CTNND2: variants seen among roughly 807,000 people sequenced by gnomAD.
CTNND2 encodes the protein catenin delta 2.
Under a neutral mutation model 144.4 loss-of-function variants are expected in CTNND2, and 22 were observed. The ratio of observed to expected loss-of-function variants is 0.15; its 90% confidence interval spans 0.11 to 0.22. CTNND2 has a LOEUF of 0.22. Ranked by LOEUF, CTNND2 falls within the 10% of genes least tolerant of loss-of-function variation. CTNND2 has a pLI of 1.00. For missense variants in CTNND2, 1,353 were observed against 1,618.8 expected, an observed-to-expected ratio of 0.84 and a Z score of 2.82; for synonymous variants, 751 against 695.6, an observed-to-expected ratio of 1.08 and a Z score of -1.25.
At chr5:11,108,601 GCAGA>G (rs1752651045) in intron 14 of CTNND2, among the ~76,000 whole-genome samples, 2 of 152,198 alleles carry the variant, frequency 1.3e-5, no homozygotes, top group Non-Finnish European at 2.9e-5. Flanking sequence ...CCTCACCCAT[GCAGA>G]CAGACATATA....
chr5:11,574,913 T>C (rs960327410), intron 2 of CTNND2, among the ~76,000 whole-genome samples: 1 of 152,236 alleles, frequency 6.6e-6, no homozygotes, highest in Admixed American at 6.5e-5. Flanking sequence ...GTGTTCAATC[T>C]GCATTTATTC....
Position 11,159,655 on chromosome 5 carries a change from C to G in CTNND2, c.2080G>C (p.Glu694Gln), listed in dbSNP as rs754932281. The part of the protein sequence containing the change: ...NAVIIPHSGW[E>Q]NSPLQDDRKI... ...CGATCATCCTGAAGAGGCGAATTTTCCCAGCCTGAGTGGGGGATAATCACC... is the reference window on the plus strand; with the variant it reads ...CGATCATCCTGAAGAGGCGAATTTTGCCAGCCTGAGTGGGGGATAATCACC... The change falls in exon 12 of 22, where the codon GAA becomes CAA. Residue 694 changes from glutamate (E) to glutamine (Q), a missense_variant. Physicochemically the swap from Glu to Gln is conservative, Grantham distance 29. Transcript: ENST00000304623. 2.5e-6 allele frequency: 4 copies of G among 1,613,560 alleles called. No individual in the cohort carries two copies. The African/African-American group carries it at 5.3e-5, about 22-fold the overall frequency.
chr5:11,175,915 T>C (rs978323940), intron 11 of CTNND2, among the ~76,000 whole-genome samples: 1 of 152,220 alleles, frequency 6.6e-6, no homozygotes, highest in African/African-American at 2.4e-5. Context: ...TCTTTGGAGA[T>C]CTACTAGCAG....
chr5:11,066,043 CT>C (rs34270980), intron 16 of CTNND2, among the ~76,000 whole-genome samples: 104,746 of 142,860 alleles, frequency 0.73, 38,513 homozygotes, highest in East Asian at 0.92. Flanking sequence ...AATCTTTTAT[CT>C]TTTTTTTTTT....
At chr5:11,589,086 A>C (rs1172980952) in intron 2 of CTNND2, 1 of 960,288 alleles carries the variant, frequency 1.0e-6, no homozygotes, top group African/African-American at 1.8e-5. Flanking sequence ...CTTAAAAGAG[A>C]AAAGAATAGA....
intron 9 of CTNND2, among the ~76,000 whole-genome samples, chr5:11,314,571 T>C (rs1193493598): frequency 6.6e-6 from 1 of 152,216 alleles, no homozygotes; most frequent in Non-Finnish European, 1.5e-5. Flanking sequence ...CTCTCTTTAT[T>C]GCCCAGGCTG....
intron 3 of CTNND2, among the ~76,000 whole-genome samples, chr5:11,521,643 C>T (rs1035274500): frequency 5.9e-5 from 9 of 152,044 alleles, no homozygotes; most frequent in African/African-American, 1.9e-4. Flanking sequence ...AAACAGTATC[C>T]GGCAAAAATT....
chr5:11,126,099 C>T (rs183045295), intron 12 of CTNND2, among the ~76,000 whole-genome samples: 35 of 152,238 alleles, frequency 2.3e-4, no homozygotes, highest in African/African-American at 7.9e-4. Flanking sequence ...GTCGGGAGTT[C>T]GAGACCAGCC....
chr5:11,536,245 G>A (rs1774208468), intron 3 of CTNND2, among the ~76,000 whole-genome samples: 1 of 151,806 alleles, frequency 6.6e-6, no homozygotes, highest in Non-Finnish European at 1.5e-5. Context: ...TTATTTTTTG[G>A]TAGAGATAGG....
chr5:11,763,254 T>A (rs1300747906), intron 1 of CTNND2, among the ~76,000 whole-genome samples: 3 of 152,174 alleles, frequency 2.0e-5, no homozygotes, highest in African/African-American at 7.2e-5. Flanking sequence ...CTTTATAAAT[T>A]ACCCAGTCTC....
intron 11 of CTNND2, among the ~76,000 whole-genome samples, chr5:11,172,082 A>G (rs1329398738): frequency 1.3e-5 from 2 of 152,224 alleles, no homozygotes; most frequent in Non-Finnish European, 2.9e-5. Flanking sequence ...CTTTCGCGCC[A>G]TAATATTTCT....
chr5:11,244,600 A>G (rs1213829925), intron 9 of CTNND2, among the ~76,000 whole-genome samples: 1 of 152,206 alleles, frequency 6.6e-6, no homozygotes, highest in Non-Finnish European at 1.5e-5. Context: ...TATAAAATTA[A>G]TCACATTTTT....
intron 9 of CTNND2, among the ~76,000 whole-genome samples, chr5:11,260,517 T>C (rs182209267): frequency 1.3e-5 from 2 of 152,310 alleles, no homozygotes; most frequent in South Asian, 2.1e-4. Flanking sequence ...ACAATCAATG[T>C]CCTAATCTGT....
intron 16 of CTNND2, among the ~76,000 whole-genome samples, chr5:11,079,114 T>G (rs1481269655): frequency 6.6e-6 from 1 of 152,246 alleles, no homozygotes; most frequent in Non-Finnish European, 1.5e-5. Context: ...TACCACTATC[T>G]GTAATTTGGA....
At chr5:11,722,864 A>T (rs755575226) in intron 2 of CTNND2, among the ~76,000 whole-genome samples, 1 of 152,218 alleles carries the variant, frequency 6.6e-6, no homozygotes, top group Non-Finnish European at 1.5e-5. Flanking sequence ...TCAAACACAT[A>T]TGACATGCCA....
chr5:11,495,142 T>C (rs1272661814), intron 3 of CTNND2, among the ~76,000 whole-genome samples: 1 of 152,210 alleles, frequency 6.6e-6, no homozygotes, highest in African/African-American at 2.4e-5. Context: ...ATCTGATAAA[T>C]AATTACACTA....
At chr5:11,299,357 C>T (rs914379590) in intron 9 of CTNND2, among the ~76,000 whole-genome samples, 5 of 152,124 alleles carry the variant, frequency 3.3e-5, no homozygotes, top group South Asian at 2.1e-4. Context: ...TTACTGCCAT[C>T]GCCTTTTACC....
intron 7 of CTNND2, among the ~76,000 whole-genome samples, chr5:11,370,075 G>A (rs528878283): frequency 7.2e-5 from 11 of 152,110 alleles, no homozygotes; most frequent in South Asian, 4.2e-4. Context: ...TCAAAATCAC[G>A]GAAACACATT....
At chr5:11,301,825 A>G (rs1279860250) in intron 9 of CTNND2, among the ~76,000 whole-genome samples, 2 of 152,226 alleles carry the variant, frequency 1.3e-5, no homozygotes, top group African/African-American at 2.4e-5. Context: ...TGGGGGAAAA[A>G]TAGATTCAAA....
Sources: gnomAD v4.1 joint callset for allele counts (sites outside exome capture counted in the v4.1 genomes callset) on GRCh38, gnomAD v4.1.1 for gene constraint, MANE v1.5 for transcripts, NCBI Gene and HGNC (gene_info 2026-07-23, HGNC 2026-07-21) for gene names.